The following PLXNA4 variants were observed in gnomAD, a reference collection of about 807,000 sequenced individuals.
PLXNA4 encodes plexin A4.
A neutral mutation model predicts 191.8 loss-of-function variants in PLXNA4; 44 were observed. The ratio of observed to expected loss-of-function variants is 0.23; its 90% CI spans 0.18 to 0.29. The LOEUF is 0.29. Among genes scored for constraint, PLXNA4 ranks in the 10% least tolerant of loss-of-function variants. The pLI is 1.00. For synonymous variants in PLXNA4, 1,082 were observed against 1,009.5 expected, an observed-to-expected ratio of 1.07 and a Z score of -1.36; for missense variants, 1,800 against 2,488.8, an observed-to-expected ratio of 0.72 and a Z score of 5.89.
intron 3 of PLXNA4, among the ~76,000 whole-genome samples, chr7:132,309,925 G>T (rs1431401811): frequency 6.6e-6 from 1 of 152,178 alleles, no homozygotes; most frequent in African/African-American, 2.4e-5. Context: ...AGCCTCAGAA[G>T]CAGCTTCACC....
At chr7:132,229,712 G>T (rs1267792011) in intron 5 of PLXNA4, among the ~76,000 whole-genome samples, 1 of 152,108 alleles carries the variant, frequency 6.6e-6, no homozygotes, top group Admixed American at 6.6e-5. Flanking sequence ...ACACAGAACA[G>T]CCAGGGATAG....
Position 132,528,742 on chromosome 7 carries a change from A to G in PLXNA4, c.-86-19963T>C, listed in dbSNP as rs114149159. Among the ~76,000 whole-genome samples, 1,009 of 152,334 alleles carry G rather than the reference A, an allele frequency of 6.6e-3. 13 individuals carry two copies. The highest frequency in any genetic ancestry group is 0.023 in the African/African-American group (959 of 41,576). On this transcript the variant is annotated intron_variant, in intron 1 of 31. Coordinates refer to ENST00000321063, the MANE Select transcript of PLXNA4 (RefSeq NM_020911.2). ...GAGAGGCACCACTGATGTGCCTGCA[A>G]TGGCTGAACAGAGAGAAGGGAAGTG...
At chr7:132,644,908 TG>T (rs1803837243) in intron 2 of PLXNA4, among the ~76,000 whole-genome samples, 1 of 152,212 alleles carries the variant, frequency 6.6e-6, no homozygotes, top group Admixed American at 6.5e-5. Context: ...GCCAACCCTG[TG>T]TGCCCAGCTC....
At chr7:132,180,434 A>T in intron 19 of PLXNA4, 152 bp downstream of exon 19, 1 of 1,250,274 alleles carries the variant, frequency 8.0e-7, no homozygotes, top group South Asian at 1.6e-5. Flanking sequence ...GAAGCTCAAA[A>T]GTGAACATGA....
chr7:132,278,483 G>T (rs1210902654), intron 4 of PLXNA4, among the ~76,000 whole-genome samples: 1 of 152,020 alleles, frequency 6.6e-6, no homozygotes, highest in Non-Finnish European at 1.5e-5. Flanking sequence ...AAATTCCAAG[G>T]GTCAACTAAG....
chr7:132,442,730 C>T (rs1436805939), intron 3 of PLXNA4, among the ~76,000 whole-genome samples: 1 of 152,246 alleles, frequency 6.6e-6, no homozygotes, highest in Non-Finnish European at 1.5e-5. Flanking sequence ...CCCAGGCCAA[C>T]CTGACCTCAC....
chr7:132,272,337 C>T (rs115586511), intron 4 of PLXNA4, among the ~76,000 whole-genome samples: 261 of 152,328 alleles, frequency 1.7e-3, no homozygotes, highest in African/African-American at 6.0e-3. Context: ...TTACAAACTT[C>T]TCAGTTTCTC....
In PLXNA4 at chr7:132,328,817, C is replaced by T. The variant is rs376739265; in HGVS notation, c.1372-30595G>A. On this transcript the variant is annotated intron_variant, in intron 3 of 31. Coordinates refer to ENST00000321063, the MANE Select transcript of PLXNA4 (RefSeq NM_020911.2). The stretch of plus-strand genomic sequence containing the variant: ...CTCCCTCTGCACCGCAGGTGCTCTA[C>T]AAGCATGATTTCCTGTCCTGCTCAT... 3.2e-4 allele frequency among the ~76,000 whole-genome samples: 48 copies of T among 152,280 alleles called. No homozygotes were observed. In the East Asian group the frequency reaches 6.6e-3, roughly 21 times the overall value.
chr7:132,152,695 C>G (rs1324324758), intron 25 of PLXNA4, among the ~76,000 whole-genome samples: 4 of 152,222 alleles, frequency 2.6e-5, no homozygotes, highest in Non-Finnish European at 5.9e-5. Flanking sequence ...GGCTGAGCCT[C>G]TTGGGCATTT....
Position 132,259,436 on chromosome 7 carries a change from C to CAAAAAAAAAAAAAAAAA in PLXNA4, c.1504-18287_1504-18271dup, listed in dbSNP as rs55902635. ...GGGCAACAAGAGCAAAACTCCAACT[C>CAAAAAAAAAAAAAAAAA]AAAAAAAAAAAAAAAAAAAAAAAAA... On this transcript the variant is annotated intron_variant, in intron 4 of 31. Coordinates refer to ENST00000321063, the MANE Select transcript of PLXNA4 (RefSeq NM_020911.2). 6.8e-4 allele frequency among the ~76,000 whole-genome samples: 23 copies of CAAAAAAAAAAAAAAAAA among 33,866 alleles called. 1 individual carries two copies. Among genetic ancestry groups the CAAAAAAAAAAAAAAAAA allele is most frequent in the Non-Finnish European group, 9.2e-4 (18 of 19,512 alleles). 22.2% of individuals were successfully genotyped at this position (33,866 alleles called of 152,430 possible).
chr7:132,160,493 G>GT (rs1319672900), intron 24 of PLXNA4, among the ~76,000 whole-genome samples: 1 of 152,176 alleles, frequency 6.6e-6, no homozygotes, highest in Non-Finnish European at 1.5e-5. Flanking sequence ...TGTTCTCACA[G>GT]TGGGATCTTT....
At chr7:132,290,290 A>C (rs1800836927) in intron 4 of PLXNA4, among the ~76,000 whole-genome samples, 2 of 152,204 alleles carry the variant, frequency 1.3e-5, no homozygotes. Context: ...GTGTGTGGAG[A>C]GGCAGATACA....
intron 2 of PLXNA4, among the ~76,000 whole-genome samples, chr7:132,605,214 C>T (rs985583551): frequency 4.6e-5 from 7 of 152,218 alleles, no homozygotes; most frequent in Non-Finnish European, 7.3e-5. Flanking sequence ...AGTTAGGAAA[C>T]GGCAGAGCTA....
chr7:132,175,662 G>C (rs1796433668), intron 20 of PLXNA4, among the ~76,000 whole-genome samples: 1 of 152,204 alleles, frequency 6.6e-6, no homozygotes, highest in Non-Finnish European at 1.5e-5. Flanking sequence ...TAGAGCCTCA[G>C]GCTGTTACAT....
intron 21 of PLXNA4, among the ~76,000 whole-genome samples, chr7:132,169,477 T>C (rs1454148381): frequency 6.6e-6 from 1 of 152,196 alleles, no homozygotes; most frequent in Non-Finnish European, 1.5e-5. Context: ...GGAGGAATTG[T>C]GGTGTATTCC....
chr7:132,612,810 T>C (rs1803078650), intron 2 of PLXNA4, among the ~76,000 whole-genome samples: 1 of 152,128 alleles, frequency 6.6e-6, no homozygotes, highest in African/African-American at 2.4e-5. Flanking sequence ...TGAGCAGTTG[T>C]GACAACCCAA....
chr7:132,555,501 A>T (rs931341091), intron 1 of PLXNA4, among the ~76,000 whole-genome samples: 8 of 152,246 alleles, frequency 5.3e-5, no homozygotes, highest in Admixed American at 1.3e-4. Flanking sequence ...AGAACAGGCA[A>T]CAATTTTCAA....
chr7:132,270,367 A>T (rs1354740518), intron 4 of PLXNA4, among the ~76,000 whole-genome samples: 3 of 152,236 alleles, frequency 2.0e-5, no homozygotes, highest in African/African-American at 7.2e-5. Flanking sequence ...AGCAAGAAAC[A>T]AATTATTCAA....
chr7:132,179,028 G>A (rs1170781502), intron 20 of PLXNA4, among the ~76,000 whole-genome samples: 4 of 47,036 alleles, frequency 8.5e-5, no homozygotes, highest in South Asian at 1.2e-3. Flanking sequence ...ATACAGGCGC[G>A]CGCGCACACA....
Sources: allele counts gnomAD v4.1 joint callset (sites outside exome capture counted in the v4.1 genomes callset), GRCh38; gene constraint gnomAD v4.1.1; transcripts MANE v1.5; gene names NCBI Gene and HGNC (gene_info 2026-07-23, HGNC 2026-07-21).